The following KIAA1217 variants were observed in gnomAD, a reference collection of about 807,000 sequenced individuals.
KIAA1217 encodes sickle tail protein homolog.
KIAA1217 carries 88 observed loss-of-function variants against 163.9 expected under a neutral mutation model. The observed-to-expected ratio is 0.54, with a 90% CI of 0.45 to 0.64. The LOEUF is 0.64. KIAA1217 is among the 30% of genes least tolerant of loss of function. The pLI is 0.00. For synonymous variants in KIAA1217, 903 were observed against 923.1 expected (o/e 0.98, Z 0.39); for missense variants, 2,372 against 2,475.0 (o/e 0.96, Z 0.88).
At chr10:24,320,519 C>T (rs2043999753) in intron 2 of KIAA1217, among the ~76,000 whole-genome samples, 1 of 152,172 alleles carries the variant, frequency 6.6e-6, no homozygotes, top group African/African-American at 2.4e-5. Context: ...CTTCAGGAGG[C>T]CCCTATTATA....
At chr10:23,925,158 G>A (rs529778220) in intron 1 of KIAA1217, among the ~76,000 whole-genome samples, 10 of 152,138 alleles carry the variant, frequency 6.6e-5, no homozygotes, top group Non-Finnish European at 1.2e-4. Flanking sequence ...AGATAGATAG[G>A]GAAAGAAGGA....
intron 1 of KIAA1217, among the ~76,000 whole-genome samples, chr10:23,796,340 C>CTTATTTATTTAT (rs34347212): frequency 0.015 from 2,175 of 148,452 alleles, 26 homozygotes; most frequent in Middle Eastern, 0.066. Context: ...CGAGAGACTG[C>CTTATTTATTTAT]TTATTTATTT....
intron 1 of KIAA1217, among the ~76,000 whole-genome samples, chr10:23,727,743 CTCA>C (rs1838251795): frequency 6.6e-6 from 1 of 152,226 alleles, no homozygotes; most frequent in East Asian, 1.9e-4. Context: ...GTTTGCTGCA[CTCA>C]TCAACCTATC....
At chr10:23,927,715 C>T (rs1037523696) in intron 1 of KIAA1217, among the ~76,000 whole-genome samples, 1 of 152,116 alleles carries the variant, frequency 6.6e-6, no homozygotes, top group Non-Finnish European at 1.5e-5. Flanking sequence ...TTGCTTTGAG[C>T]TCCCTGAATG....
At chr10:24,017,110 G>A (rs1847518348) in intron 2 of KIAA1217, among the ~76,000 whole-genome samples, 1 of 148,824 alleles carries the variant, frequency 6.7e-6, no homozygotes, top group Non-Finnish European at 1.5e-5. Flanking sequence ...CTGGAGTGCA[G>A]TGGCACAGCA....
intron 2 of KIAA1217, among the ~76,000 whole-genome samples, chr10:24,039,818 A>G (rs867176140): frequency 1.8e-4 from 25 of 139,630 alleles, no homozygotes; most frequent in South Asian, 2.2e-4. Context: ...ATATAGATAT[A>G]GATATAGATA....
intron 2 of KIAA1217, among the ~76,000 whole-genome samples, chr10:24,200,692 G>A (rs1209496472): frequency 6.6e-6 from 1 of 152,158 alleles, no homozygotes; most frequent in Non-Finnish European, 1.5e-5. Context: ...GGAGAAGAGG[G>A]GAAATCTGAC....
At chr10:24,444,406 G>T (rs1026721073) in intron 5 of KIAA1217, among the ~76,000 whole-genome samples, 4 of 152,110 alleles carry the variant, frequency 2.6e-5, no homozygotes, top group African/African-American at 9.7e-5. Context: ...TGCTCTGTCA[G>T]AATTCATCTT....
At position 24,335,595 on chromosome 10, in the gene KIAA1217, T is replaced by TATTC. The variant is rs2046252164; in HGVS notation, c.355-45271_355-45270insCATT. Among the ~76,000 whole-genome samples, 3 of 140,124 alleles carry TATTC rather than the reference T, an allele frequency of 2.1e-5. No individual in the cohort carries two copies. In the South Asian group the frequency reaches 7.1e-4, roughly 33 times the overall value. The allele number at this position is 140,124 out of a possible 152,430, so 91.9% of individuals were successfully genotyped here. On this transcript the variant is annotated intron_variant, in intron 2 of 20. Transcript: ENST00000376454. ...TTAATTTTATCTTATTTTATTTATT[T>TATTC]ATTTATTTATTTATTTATTTATTTA...
chr10:24,515,485 G>T (rs2069961751), intron 10 of KIAA1217, among the ~76,000 whole-genome samples: 2 of 152,190 alleles, frequency 1.3e-5, no homozygotes, highest in East Asian at 3.8e-4. Context: ...CCTAGCATAG[G>T]AATGAGACAG....
rs1564835667 is a variant in KIAA1217, at chr10:24,211,388, T to TTTA, written c.70+2126_70+2128dup. 5.2e-4 allele frequency among the ~76,000 whole-genome samples: 59 copies of TTTA among 114,062 alleles called. 4 individuals carry two copies. Among genetic ancestry groups the TTTA allele is most frequent in the African/African-American group, 1.8e-3 (51 of 28,718 alleles). 74.8% of individuals were successfully genotyped at this position (114,062 alleles called of 152,430 possible). On this transcript the variant is annotated intron_variant, in intron 1 of 20. Transcript: ENST00000376454. ...TTTTTTTTTTTTTTTTTTTTTTTTT[T>TTTA]TTAGAGAGGGTCTCATTTGTCACCC...
At chr10:23,721,664 A>C (rs1216895582) in intron 1 of KIAA1217, among the ~76,000 whole-genome samples, 1 of 152,114 alleles carries the variant, frequency 6.6e-6, no homozygotes, top group Non-Finnish European at 1.5e-5. Context: ...ATAAATTGTT[A>C]AAAAAATTCC....
chr10:24,415,924 G>A (rs1396401113), intron 3 of KIAA1217, among the ~76,000 whole-genome samples: 1 of 152,200 alleles, frequency 6.6e-6, no homozygotes, highest in Non-Finnish European at 1.5e-5. Flanking sequence ...CGTGGGAGGA[G>A]CTGTGCTGGG....
At chr10:24,268,403 T>C (rs1424579866) in intron 2 of KIAA1217, among the ~76,000 whole-genome samples, 1 of 151,936 alleles carries the variant, frequency 6.6e-6, no homozygotes, top group Non-Finnish European at 1.5e-5. Flanking sequence ...GCAAAGGACA[T>C]GAACAGACAC....
At chr10:24,093,323 A>C (rs1232156042) in intron 2 of KIAA1217, among the ~76,000 whole-genome samples, 4 of 151,704 alleles carry the variant, frequency 2.6e-5, no homozygotes, top group African/African-American at 9.7e-5. Flanking sequence ...GGCACCTGCC[A>C]CCATGCCCAG....
intron 2 of KIAA1217, among the ~76,000 whole-genome samples, chr10:24,314,663 C>T (rs576460892): frequency 3.3e-5 from 5 of 152,164 alleles, no homozygotes; most frequent in South Asian, 2.1e-4. Context: ...ACATATTGGC[C>T]GGGTGCAGTG....
At chr10:24,172,273 T>C (rs1455666052) in intron 2 of KIAA1217, among the ~76,000 whole-genome samples, 1 of 152,196 alleles carries the variant, frequency 6.6e-6, no homozygotes, top group Admixed American at 6.5e-5. Flanking sequence ...GTCAAATAAT[T>C]TGTCACTCCT....
chr10:24,368,890 C>T, intron 2 of KIAA1217: 1 of 977,710 alleles, frequency 1.0e-6, no homozygotes, highest in Non-Finnish European at 1.2e-6. Context: ...TTACCAATTG[C>T]TGTCCCATGC....
intron 1 of KIAA1217, among the ~76,000 whole-genome samples, chr10:23,745,463 T>A (rs74798043): frequency 0.014 from 2,121 of 152,262 alleles, 44 homozygotes; most frequent in African/African-American, 0.045. Context: ...TGGAAATTGG[T>A]CGTAACTTTT....
Sources: gnomAD v4.1 joint callset for allele counts (sites outside exome capture counted in the v4.1 genomes callset) on GRCh38, gnomAD v4.1.1 for gene constraint, MANE v1.5 for transcripts, NCBI Gene and HGNC (gene_info 2026-07-23, HGNC 2026-07-21) for gene names.